FGFR2: variants seen among roughly 807,000 people sequenced by gnomAD.
The protein encoded by FGFR2 is BEK fibroblast growth factor receptor.
In FGFR2, 19 loss-of-function variants were observed where a neutral mutation model predicts 95.9. The observed-to-expected ratio is 0.20, with a 90% CI of 0.14 to 0.29. The LOEUF (loss-of-function observed/expected upper bound fraction) is 0.29. Ranked by LOEUF, FGFR2 falls within the 10% of genes least tolerant of loss-of-function variation. The pLI is 1.00. For missense variants in FGFR2, 707 were observed against 1,056.9 expected, an observed-to-expected ratio of 0.67 and a Z score of 4.59; for synonymous variants, 392 against 393.3, an observed-to-expected ratio of 1.00 and a Z score of 0.04.
chr10:121,572,137 G>A (rs1858884431), intron 2 of FGFR2, among the ~76,000 whole-genome samples: 2 of 115,542 alleles, frequency 1.7e-5, no homozygotes, highest in South Asian at 6.1e-4. Context: ...AACATAGTAA[G>A]ATCCTCTCTC....
At chr10:121,559,745 T>G (rs1856683915) in intron 4 of FGFR2, among the ~76,000 whole-genome samples, 1 of 152,206 alleles carries the variant, frequency 6.6e-6, no homozygotes, top group Non-Finnish European at 1.5e-5. Flanking sequence ...AGTACACTGT[T>G]GGTTGGCATT....
intron 2 of FGFR2, among the ~76,000 whole-genome samples, chr10:121,572,846 A>G (rs1859042135): frequency 6.6e-6 from 1 of 152,216 alleles, no homozygotes; most frequent in Non-Finnish European, 1.5e-5. Flanking sequence ...ACAGAGTGCC[A>G]CTAGCCACAA....
intron 5 of FGFR2, among the ~76,000 whole-genome samples, chr10:121,548,128 C>T (rs954708896): frequency 6.6e-6 from 1 of 152,074 alleles, no homozygotes; most frequent in Non-Finnish European, 1.5e-5. Context: ...AACTAGCGGG[C>T]CAACCTCCCA....
intron 1 of FGFR2, among the ~76,000 whole-genome samples, chr10:121,595,265 A>G (rs1422725563): frequency 6.6e-6 from 1 of 152,116 alleles, no homozygotes; most frequent in African/African-American, 2.4e-5. Context: ...CCCAAATCTC[A>G]TCATAAAAAC....
intron 2 of FGFR2, among the ~76,000 whole-genome samples, chr10:121,577,187 A>AGAGAGAGAGAGAGAGAGAGAGAGG (rs1356148129): frequency 6.8e-4 from 80 of 118,084 alleles, no homozygotes; most frequent in African/African-American, 2.6e-3. Context: ...ATAGAGAGAG[A>AGAGAGAGAGAGAGAGAGAGAGAGG]GAGAGAGAGA....
chr10:121,533,612 T>G (rs1852385713), intron 6 of FGFR2, among the ~76,000 whole-genome samples: 1 of 152,166 alleles, frequency 6.6e-6, no homozygotes, highest in Non-Finnish European at 1.5e-5. Context: ...AACTAGTCTT[T>G]TAAGGTCCCA....
intron 6 of FGFR2, among the ~76,000 whole-genome samples, chr10:121,534,617 A>AG (rs1185022620): frequency 1.3e-5 from 2 of 150,334 alleles, no homozygotes; most frequent in Non-Finnish European, 2.9e-5. Flanking sequence ...GCTGGTCTCT[A>AG]ACTGCTGACC....
At chr10:121,588,187 T>C (rs1339988416) in intron 2 of FGFR2, among the ~76,000 whole-genome samples, 1 of 151,784 alleles carries the variant, frequency 6.6e-6, no homozygotes, top group Non-Finnish European at 1.5e-5. Flanking sequence ...GGGAGCTAAA[T>C]GATGAAAACT....
At chr10:121,589,092 C>T (rs145696251) in intron 2 of FGFR2, among the ~76,000 whole-genome samples, 4 of 152,140 alleles carry the variant, frequency 2.6e-5, no homozygotes, top group Non-Finnish European at 2.9e-5. Context: ...GTCCCCCTGG[C>T]GAGAATCGGA....
At chr10:121,570,213 C>T (rs79648581) in intron 2 of FGFR2, among the ~76,000 whole-genome samples, 4 of 152,344 alleles carry the variant, frequency 2.6e-5, no homozygotes, top group East Asian at 3.9e-4. Flanking sequence ...GTCCATTTGC[C>T]GTCCACAGGG....
chr10:121,564,083 T>C (rs1205652566), intron 4 of FGFR2, among the ~76,000 whole-genome samples: 1 of 152,168 alleles, frequency 6.6e-6, no homozygotes, highest in Non-Finnish European at 1.5e-5. Flanking sequence ...CAACCAAATA[T>C]TGCCCAATGT....
At chr10:121,501,592 G>A (rs544544246) in intron 10 of FGFR2, among the ~76,000 whole-genome samples, 13 of 152,188 alleles carry the variant, frequency 8.5e-5, no homozygotes, top group Middle Eastern at 3.4e-3. Flanking sequence ...TATGCACATC[G>A]GACGAATAGC....
intron 13 of FGFR2, among the ~76,000 whole-genome samples, chr10:121,494,319 G>T (rs1261793354): frequency 6.6e-6 from 1 of 152,080 alleles, no homozygotes; most frequent in Admixed American, 6.5e-5. Context: ...TGCCCCAGGA[G>T]GTCAAGGACT....
intron 8 of FGFR2, among the ~76,000 whole-genome samples, chr10:121,516,141 T>G (rs529728147): frequency 2.6e-5 from 4 of 152,294 alleles, no homozygotes; most frequent in Non-Finnish European, 4.4e-5. Flanking sequence ...TAGTCCTCGA[T>G]GATCCATCTA....
At chr10:121,559,856 T>G (rs929425280) in intron 4 of FGFR2, among the ~76,000 whole-genome samples, 2 of 152,200 alleles carry the variant, frequency 1.3e-5, no homozygotes, top group African/African-American at 4.8e-5. Flanking sequence ...CATATAATCC[T>G]TCTGAACCAC....
intron 12 of FGFR2, among the ~76,000 whole-genome samples, chr10:121,497,852 T>C (rs775564396): frequency 2.0e-5 from 3 of 152,196 alleles, no homozygotes; most frequent in Non-Finnish European, 2.9e-5. Context: ...GTCTAAAATA[T>C]CTACGACCTC....
At chr10:121,581,134 C>A (rs1157966933) in intron 2 of FGFR2, among the ~76,000 whole-genome samples, 1 of 152,190 alleles carries the variant, frequency 6.6e-6, no homozygotes, top group Non-Finnish European at 1.5e-5. Context: ...CACTCAAATA[C>A]GGCCTGGAGG....
intron 17 of FGFR2, chr10:121,482,170 T>A (rs767087309): frequency 6.2e-7 from 1 of 1,612,974 alleles, no homozygotes; most frequent in South Asian, 1.1e-5. Flanking sequence ...AGCCATAAAC[T>A]TTCAGATCTG....
intron 11 of FGFR2, among the ~76,000 whole-genome samples, chr10:121,499,924 T>C (rs759686412): frequency 1.3e-5 from 2 of 152,174 alleles, no homozygotes; most frequent in South Asian, 2.1e-4. Context: ...CTACTTCCCC[T>C]TGGGAGGGAT....
Sources: gnomAD v4.1 joint callset for allele counts (sites outside exome capture counted in the v4.1 genomes callset) on GRCh38, gnomAD v4.1.1 for gene constraint, MANE v1.5 for transcripts, NCBI Gene and HGNC (gene_info 2026-07-23, HGNC 2026-07-21) for gene names.